NELL2: variants seen among roughly 807,000 people sequenced by gnomAD.
The protein encoded by NELL2 is neural EGFL like 2.
Under a neutral mutation model 109.6 loss-of-function variants are expected in NELL2, and 41 were observed. The ratio of observed to expected loss-of-function variants is 0.37; its 90% CI spans 0.29 to 0.49. NELL2 has a LOEUF of 0.49. Among genes scored for constraint, NELL2 ranks in the 20% least tolerant of loss-of-function variants. The pLI, the probability that NELL2 is intolerant of heterozygous loss-of-function variation, is 0.98. For missense variants in NELL2, 900 were observed against 1,008.3 expected (o/e 0.89, Z 1.45); for synonymous variants, 355 against 344.7 (o/e 1.03, Z -0.33).
chr12:44,734,196 T>C (rs1939519482), intron 9 of NELL2, among the ~76,000 whole-genome samples: 1 of 152,050 alleles, frequency 6.6e-6, no homozygotes, highest in African/African-American at 2.4e-5. Flanking sequence ...TTCAAATTGC[T>C]AGGTCCTCCT....
At chr12:44,809,333 G>C (rs1221980586) in intron 3 of NELL2, among the ~76,000 whole-genome samples, 2 of 151,736 alleles carry the variant, frequency 1.3e-5, no homozygotes, top group African/African-American at 2.4e-5. Flanking sequence ...TGTATAAATG[G>C]ATAAATGAAT....
intron 5 of NELL2, among the ~76,000 whole-genome samples, chr12:44,777,743 T>C (rs986161217): frequency 3.3e-5 from 5 of 152,228 alleles, no homozygotes; most frequent in African/African-American, 1.2e-4. Flanking sequence ...AACTGAGTCA[T>C]GAAAGCATGC....
At chr12:44,742,810 C>T (rs1042364305) in intron 9 of NELL2, among the ~76,000 whole-genome samples, 2 of 151,910 alleles carry the variant, frequency 1.3e-5, no homozygotes, top group African/African-American at 4.8e-5. Flanking sequence ...GTGAAAAGAC[C>T]AAATCTACGT....
At position 44,725,995 on chromosome 12, in the gene NELL2, C is replaced by A. The variant is rs568002284; in HGVS notation, c.995-11254G>T. ...ACAAATCTTCACATGTACCCCCAAACGTAAGAAAAAGTTTTTTAACATCCC... is the reference window on the plus strand; with the variant it reads ...ACAAATCTTCACATGTACCCCCAAAAGTAAGAAAAAGTTTTTTAACATCCC... On this transcript the variant is annotated intron_variant, in intron 9 of 19. Coordinates refer to ENST00000429094, the MANE Select transcript of NELL2 (RefSeq NM_001145108.2). Among the ~76,000 whole-genome samples the A allele has an allele frequency of 5.3e-5, 8 of 152,064 alleles. No individual in the cohort carries two copies. In the East Asian group the frequency reaches 1.4e-3, roughly 26 times the overall value.
intron 1 of NELL2, among the ~76,000 whole-genome samples, chr12:44,883,043 G>A (rs931487259): frequency 6.7e-6 from 1 of 148,984 alleles, no homozygotes; most frequent in Non-Finnish European, 1.5e-5. Flanking sequence ...GTAGAGCCAG[G>A]GTGTTATGTT....
chr12:44,842,183 G>A (rs1361419923), intron 2 of NELL2, among the ~76,000 whole-genome samples: 2 of 151,306 alleles, frequency 1.3e-5, no homozygotes, highest in African/African-American at 2.4e-5. Flanking sequence ...AAGGAAGTAA[G>A]GGAAGTTGAA....
chr12:44,849,811 A>G (rs1456898755), intron 2 of NELL2, among the ~76,000 whole-genome samples: 3 of 152,190 alleles, frequency 2.0e-5, no homozygotes, highest in Non-Finnish European at 4.4e-5. Flanking sequence ...ACTCAGCAAC[A>G]AAAGGGAATG....
At chr12:44,635,778 G>T (rs553139106) in intron 13 of NELL2, among the ~76,000 whole-genome samples, 2 of 152,220 alleles carry the variant, frequency 1.3e-5, no homozygotes, top group East Asian at 3.9e-4. Flanking sequence ...CTCTTTTTTG[G>T]TTCCATATGA....
At chr12:44,658,103 A>T (rs2136326878) in intron 13 of NELL2, among the ~76,000 whole-genome samples, 1 of 152,348 alleles carries the variant, frequency 6.6e-6, no homozygotes. Context: ...TCAACAGTGT[A>T]AAAGTGTTCT....
rs201514228 is a variant in NELL2 at position 44,811,250 on chromosome 12, G to C, written c.335+4736C>G. ...TGCAGGGCTTAAAACCTAGATGACA[G>C]GTTAACAGGTGCAGCAAACCACCAT... On this transcript the variant is annotated intron_variant, in intron 3 of 19. Coordinates refer to ENST00000429094, the MANE Select transcript of NELL2 (RefSeq NM_001145108.2). 2.8e-5 allele frequency among the ~76,000 whole-genome samples: 4 copies of C among 145,110 alleles called. No homozygotes were observed. In the East Asian group the frequency reaches 8.4e-4, roughly 30 times the overall value.
intron 3 of NELL2, among the ~76,000 whole-genome samples, chr12:44,806,874 G>C (rs1329388798): frequency 6.6e-6 from 1 of 151,610 alleles, no homozygotes; most frequent in African/African-American, 2.4e-5. Flanking sequence ...TAAAATATAA[G>C]ATTATATTTC....
At chr12:44,719,578 T>C (rs1365639460) in intron 9 of NELL2, among the ~76,000 whole-genome samples, 2 of 152,150 alleles carry the variant, frequency 1.3e-5, no homozygotes, top group Non-Finnish European at 2.9e-5. Context: ...TTAAAAGTTA[T>C]AAACACCAAA....
chr12:44,725,007 C>A (rs979530105), intron 9 of NELL2, among the ~76,000 whole-genome samples: 1 of 151,876 alleles, frequency 6.6e-6, no homozygotes, highest in Non-Finnish European at 1.5e-5. Context: ...ACAAAAAAAA[C>A]AAGCAATAAG....
chr12:44,813,068 A>G (rs567278582), intron 3 of NELL2, among the ~76,000 whole-genome samples: 1 of 152,194 alleles, frequency 6.6e-6, no homozygotes, highest in Non-Finnish European at 1.5e-5. Flanking sequence ...CAAGCACTCT[A>G]TATGGATTTA....
At chr12:44,523,224 T>C in intron 17 of NELL2, 67 bp downstream of exon 17, 1 of 1,515,514 alleles carries the variant, frequency 6.6e-7, no homozygotes, top group Non-Finnish European at 9.1e-7. Flanking sequence ...TCAAGCCATA[T>C]ACACACTTAA....
chr12:44,760,739 A>C (rs2136548170), intron 9 of NELL2, among the ~76,000 whole-genome samples: 1 of 152,290 alleles, frequency 6.6e-6, no homozygotes, highest in Admixed American at 6.5e-5. Flanking sequence ...ATGTACACAA[A>C]AAATAAATCC....
intron 9 of NELL2, among the ~76,000 whole-genome samples, chr12:44,730,903 A>C (rs1194265305): frequency 3.3e-5 from 5 of 152,142 alleles, no homozygotes; most frequent in Admixed American, 1.3e-4. Flanking sequence ...AAAGCAAAAA[A>C]GGGAAGACTC....
intron 3 of NELL2, among the ~76,000 whole-genome samples, chr12:44,791,085 A>ATATATATATG (rs1566403431): frequency 1.8e-4 from 3 of 16,852 alleles, no homozygotes; most frequent in African/African-American, 4.8e-4. Flanking sequence ...ATATATACAT[A>ATATATATATG]TATATATATA....
At chr12:44,756,223 A>G (rs566273404) in intron 9 of NELL2, among the ~76,000 whole-genome samples, 10 of 152,146 alleles carry the variant, frequency 6.6e-5, no homozygotes, top group Non-Finnish European at 1.2e-4. Context: ...GAATTCTTCA[A>G]TTATGCTCTG....
Sources: allele counts gnomAD v4.1 joint callset (sites outside exome capture counted in the v4.1 genomes callset), GRCh38; gene constraint gnomAD v4.1.1; transcripts MANE v1.5; gene names NCBI Gene and HGNC (gene_info 2026-07-23, HGNC 2026-07-21).